The following MPPE1 variants were observed in gnomAD, a reference collection of about 807,000 sequenced individuals.
The protein encoded by MPPE1 is metallo phosphoesterase.
A neutral mutation model predicts 43.8 loss-of-function variants in MPPE1; 28 were observed. The ratio of observed to expected loss-of-function variants is 0.64; its 90% CI spans 0.47 to 0.88. The LOEUF is 0.88. MPPE1 is among the 40% of genes least tolerant of loss of function. The probability of loss-of-function intolerance (pLI) is 0.00; values close to 1 mark genes in which losing one functional copy is unlikely to be tolerated. For missense variants in MPPE1, 428 were observed against 492.2 expected (o/e 0.87, Z 1.23); for synonymous variants, 159 against 188.5 (o/e 0.84, Z 1.28).
intron 2 of MPPE1, among the ~76,000 whole-genome samples, chr18:11,900,489 A>C (rs890689622): frequency 6.6e-6 from 1 of 151,454 alleles, no homozygotes; most frequent in Non-Finnish European, 1.5e-5. Flanking sequence ...CTGGGTAACA[A>C]GAGCAAAACT....
intron 2 of MPPE1, among the ~76,000 whole-genome samples, chr18:11,901,291 T>C (rs931989008): frequency 5.3e-5 from 8 of 152,016 alleles, no homozygotes; most frequent in Admixed American, 1.3e-4. Flanking sequence ...AGTGCAGTGG[T>C]GTGCTCTCAG....
chr18:11,885,982 AT>A, intron 9 of MPPE1, 166 bp from the exon 10 acceptor site: 1 of 605,500 alleles, frequency 1.7e-6, no homozygotes, highest in Non-Finnish European at 2.5e-6. Flanking sequence ...CCTTTGGTTT[AT>A]TTACACTAAA....
At chr18:11,900,909 T>TA (rs559247706) in intron 2 of MPPE1, among the ~76,000 whole-genome samples, 226 of 126,158 alleles carry the variant, frequency 1.8e-3, no homozygotes, top group Non-Finnish European at 2.2e-3. Flanking sequence ...TCCGTCTCAT[T>TA]AAAAAAAAAA....
intron 1 of MPPE1, among the ~76,000 whole-genome samples, chr18:11,907,656 T>C (rs989161156): frequency 4.8e-5 from 1 of 20,934 alleles, no homozygotes; most frequent in African/African-American, 6.2e-4. Context: ...TACACCTGGC[T>C]TTTTTTTTTT....
At chr18:11,884,940 G>C in intron 10 of MPPE1, 3 of 1,287,852 alleles carry the variant, frequency 2.3e-6, no homozygotes, top group Non-Finnish European at 3.0e-6. Flanking sequence ...ATCCATAACA[G>C]AGATTCAGAG....
intron 2 of MPPE1, among the ~76,000 whole-genome samples, chr18:11,900,824 G>A (rs928418106): frequency 2.2e-4 from 33 of 150,830 alleles, no homozygotes; most frequent in African/African-American, 4.2e-4. Flanking sequence ...GGAGAATGGC[G>A]TGAACCCAGG....
At chr18:11,885,539 G>A (rs2037081549) in intron 10 of MPPE1, 137 bp downstream of exon 10, 2 of 1,013,566 alleles carry the variant, frequency 2.0e-6, no homozygotes, top group Non-Finnish European at 2.9e-6. Flanking sequence ...GGCAGTGTAT[G>A]GAGCTACGTG....
intron 6 of MPPE1, 37 bp from the exon 7 acceptor site, chr18:11,887,062 G>A (rs533170003): frequency 1.0e-5 from 15 of 1,469,962 alleles, no homozygotes; most frequent in African/African-American, 8.4e-5. Flanking sequence ...GCCGCTGGGG[G>A]TATCAGTGCT....
At position 11,904,610 on chromosome 18, in the gene MPPE1, C is replaced by T. The variant is rs140651176; in HGVS notation, c.-93+1593G>A. 9.2e-5 allele frequency among the ~76,000 whole-genome samples: 14 copies of T among 152,280 alleles called. No individual in the cohort carries two copies. The East Asian group carries it at 1.4e-3, about 15-fold the overall frequency. ...CTGGGATTACAGACATGAGCCACTG[C>T]GCCCAGCCCAACATGATCATTTTTT... is the stretch of plus-strand genomic sequence containing the variant. On this transcript the variant is annotated intron_variant, in intron 2 of 10. Coordinates refer to ENST00000588072, the MANE Select transcript of MPPE1 (RefSeq NM_023075.6).
chr18:11,895,187 G>GT (rs1195869254), intron 3 of MPPE1: 13 of 152,290 alleles, frequency 8.5e-5, no homozygotes, highest in African/African-American at 2.7e-4. Context: ...ACTCACACCT[G>GT]TAATTTCAAT....
chr18:11,905,170 A>G (rs892429175), intron 2 of MPPE1: 7 of 152,036 alleles, frequency 4.6e-5, no homozygotes, highest in African/African-American at 1.5e-4. Context: ...AGCCTAGTGT[A>G]GTAGTGCACA....
At chr18:11,899,055 G>T (rs2038878518) in intron 2 of MPPE1, among the ~76,000 whole-genome samples, 1 of 151,168 alleles carries the variant, frequency 6.6e-6, no homozygotes, top group South Asian at 2.1e-4. Flanking sequence ...TTACAGGTGT[G>T]TGCCACCACG....
chr18:11,900,701 A>T (rs1440486837), intron 2 of MPPE1, among the ~76,000 whole-genome samples: 2 of 152,004 alleles, frequency 1.3e-5, no homozygotes, highest in Admixed American at 6.6e-5. Context: ...AGGTCAGGAG[A>T]TCGAGACCAT....
In MPPE1 at chr18:11,900,184, T is replaced by C. The variant is rs905261250; in HGVS notation, c.-92-2828A>G. ...CAACCTGGCAAAACCCCATCTCTAC[T>C]AAAAGTACAAAAATTAGCCAGGGTG... On this transcript the variant is annotated intron_variant, in intron 2 of 10. Transcript: ENST00000588072. 9.2e-5 allele frequency among the ~76,000 whole-genome samples: 14 copies of C among 152,044 alleles called. No homozygotes were observed. The South Asian group carries it at 2.7e-3, about 29-fold the overall frequency.
At chr18:11,896,852 A>G in intron 3 of MPPE1, 132 bp downstream of exon 3, 1 of 825,992 alleles carries the variant, frequency 1.2e-6, no homozygotes, top group South Asian at 1.9e-5. Flanking sequence ...GAAAAGTCAA[A>G]TGTCCCTAAA....
chr18:11,893,356 G>C, intron 4 of MPPE1, 112 bp downstream of exon 4: 1 of 701,720 alleles, frequency 1.4e-6, no homozygotes, highest in Non-Finnish European at 2.5e-6. Context: ...TCAGTAGTAA[G>C]TACAACTTCC....
At chr18:11,889,307 G>T (rs2037694395) in intron 5 of MPPE1, 80 bp downstream of exon 5, 2 of 881,648 alleles carry the variant, frequency 2.3e-6, no homozygotes, top group Admixed American at 5.2e-5. Flanking sequence ...CACAAATAGG[G>T]CTTTCACCTG....
intron 2 of MPPE1, among the ~76,000 whole-genome samples, chr18:11,899,981 G>A (rs1019256781): frequency 6.6e-6 from 1 of 152,116 alleles, no homozygotes; most frequent in African/African-American, 2.4e-5. Context: ...GGAGGCCGAG[G>A]CGGGTGGATC....
intron 4 of MPPE1, among the ~76,000 whole-genome samples, chr18:11,889,947 C>CT (rs35489693): frequency 0.3 from 44,177 of 145,142 alleles, 7,877 homozygotes; most frequent in East Asian, 0.57. Context: ...TGATGTAGAA[C>CT]TTTTTTTTTT....
Sources: allele counts gnomAD v4.1 joint callset (sites outside exome capture counted in the v4.1 genomes callset), GRCh38; gene constraint gnomAD v4.1.1; transcripts MANE v1.5; gene names NCBI Gene and HGNC (gene_info 2026-07-23, HGNC 2026-07-21).